PIK3C2G: variants seen among roughly 807,000 people sequenced by gnomAD.
PIK3C2G encodes phosphatidylinositol-4-phosphate 3-kinase catalytic subunit type 2 gamma.
PIK3C2G carries 168 observed loss-of-function variants against 181.1 expected under a neutral mutation model. The ratio of observed to expected loss-of-function variants is 0.93; its 90% CI spans 0.82 to 1.05. The LOEUF (loss-of-function observed/expected upper bound fraction) is 1.05. Among genes scored for constraint, PIK3C2G ranks in the 50% least tolerant of loss-of-function variants. PIK3C2G has a pLI of 0.00. For synonymous variants in PIK3C2G, 573 were observed against 592.2 expected (o/e 0.97, Z 0.47); for missense variants, 1,869 against 1,732.8 (o/e 1.08, Z -1.40).
intron 28 of PIK3C2G, among the ~76,000 whole-genome samples, chr12:18,564,102 G>T (rs1049018322): frequency 3.3e-5 from 5 of 151,114 alleles, no homozygotes; most frequent in Non-Finnish European, 5.9e-5. Flanking sequence ...TTGTTATTTT[G>T]TTCATTTTGA....
intron 22 of PIK3C2G, among the ~76,000 whole-genome samples, chr12:18,501,863 A>G (rs1234367482): frequency 6.6e-6 from 1 of 152,232 alleles, no homozygotes; most frequent in Non-Finnish European, 1.5e-5. Flanking sequence ...AGGTGGAATC[A>G]TCTAAGTCCT....
At chr12:18,708,577 A>G in the PIK3C2G span, among the ~76,000 whole-genome samples, 8 of 151,302 alleles carry the variant, frequency 5.3e-5, no homozygotes, top group Non-Finnish European at 1.2e-4. Flanking sequence ...TTCTTTAGAA[A>G]CCTCCATGCT....
chr12:18,296,375 C>G (rs192040228), intron 5 of PIK3C2G, among the ~76,000 whole-genome samples: 33 of 152,236 alleles, frequency 2.2e-4, no homozygotes, highest in African/African-American at 7.2e-4. Flanking sequence ...CTGTCCATTT[C>G]TAACAAGCAT....
chr12:18,553,288 A>G (rs1944829923), intron 26 of PIK3C2G, among the ~76,000 whole-genome samples: 1 of 152,042 alleles, frequency 6.6e-6, no homozygotes, highest in Admixed American at 6.6e-5. Context: ...ACTTCCTTTT[A>G]ATATCATTAA....
At chr12:18,479,332 G>A (rs551611117) in intron 18 of PIK3C2G, among the ~76,000 whole-genome samples, 1 of 152,126 alleles carries the variant, frequency 6.6e-6, no homozygotes, top group South Asian at 2.1e-4. Context: ...CCCTCAGCTG[G>A]TATCCATGTT....
At chr12:18,389,897 A>G (rs1943431096) in intron 14 of PIK3C2G, among the ~76,000 whole-genome samples, 1 of 152,202 alleles carries the variant, frequency 6.6e-6, no homozygotes, top group Non-Finnish European at 1.5e-5. Flanking sequence ...CCATTTACTT[A>G]GTATCAACAT....
intron 18 of PIK3C2G, among the ~76,000 whole-genome samples, chr12:18,457,218 A>C (rs1168875782): frequency 6.6e-6 from 1 of 152,226 alleles, no homozygotes; most frequent in Non-Finnish European, 1.5e-5. Context: ...TACTGAATAC[A>C]TATAAATATA....
At chr12:18,675,042 C>T in the PIK3C2G span, among the ~76,000 whole-genome samples, 2 of 152,128 alleles carry the variant, frequency 1.3e-5, no homozygotes, top group Non-Finnish European at 2.9e-5. Context: ...CTGTAACTAC[C>T]TTATTCAATA....
chr12:18,423,031 T>C (rs904591437), intron 17 of PIK3C2G, among the ~76,000 whole-genome samples: 1 of 151,932 alleles, frequency 6.6e-6, no homozygotes, highest in Non-Finnish European at 1.5e-5. Context: ...GGCTAGCATA[T>C]TGAGGTGTTT....
intron 8 of PIK3C2G, among the ~76,000 whole-genome samples, chr12:18,334,781 C>A (rs952889418): frequency 1.8e-4 from 27 of 152,036 alleles, no homozygotes; most frequent in African/African-American, 5.6e-4. Context: ...TCTCACCTTG[C>A]GAATCAGCCA....
At chr12:18,621,175 A>G (rs1254971654) in intron 31 of PIK3C2G, among the ~76,000 whole-genome samples, 1 of 151,902 alleles carries the variant, frequency 6.6e-6, no homozygotes, top group African/African-American at 2.4e-5. Flanking sequence ...GAAGTTTGGA[A>G]TCATTTAAGG....
intron 11 of PIK3C2G, among the ~76,000 whole-genome samples, chr12:18,361,430 G>A (rs2137795051): frequency 6.6e-6 from 1 of 151,908 alleles, no homozygotes; most frequent in East Asian, 1.9e-4. Context: ...GCTAGGTCAT[G>A]ATCCCCTCTT....
intron 11 of PIK3C2G, among the ~76,000 whole-genome samples, chr12:18,357,285 G>A (rs974612117): frequency 1.3e-5 from 2 of 151,728 alleles, no homozygotes; most frequent in Admixed American, 1.3e-4. Context: ...TTATAGTTTT[G>A]TCAGGAGGTG....
chr12:18,684,894 G>A, the PIK3C2G span, among the ~76,000 whole-genome samples: 1 of 151,860 alleles, frequency 6.6e-6, no homozygotes, highest in South Asian at 2.1e-4. Context: ...AGATCTGATG[G>A]TTTTATAAGG....
At position 18,311,247 on chromosome 12, in the gene PIK3C2G, T is replaced by TA. The variant is rs566491491; in HGVS notation, c.1035-2713dup. On this transcript the variant is annotated intron_variant, in intron 5 of 32. Coordinates refer to ENST00000538779, the MANE Select transcript of PIK3C2G (RefSeq NM_001288772.2). The stretch of plus-strand genomic sequence containing the variant: ...GAGGACATACACAATGAAGCAAAGG[T>TA]AAGGAAAGAACTAAGACCTAGTTTT... Among the ~76,000 whole-genome samples, 26 of 151,584 alleles carry TA rather than the reference T, an allele frequency of 1.7e-4. No individual in the cohort carries two copies. In the South Asian group the frequency reaches 5.0e-3, roughly 29 times the overall value.
At chr12:18,572,491 TATATAA>T (rs1195726276) in intron 29 of PIK3C2G, among the ~76,000 whole-genome samples, 1 of 151,076 alleles carries the variant, frequency 6.6e-6, no homozygotes, top group African/African-American at 2.4e-5. Flanking sequence ...TCTGCTGATA[TATATAA>T]ATATAATCTG....
chr12:18,696,865 T>G, the PIK3C2G span, among the ~76,000 whole-genome samples: 1 of 152,124 alleles, frequency 6.6e-6, no homozygotes, highest in Non-Finnish European at 1.5e-5. Context: ...TGAAAAACTT[T>G]CAATGCTTTT....
At chr12:18,594,742 AAAAAT>A (rs1289026773) in intron 30 of PIK3C2G, among the ~76,000 whole-genome samples, 173 bp downstream of exon 30, 1 of 152,026 alleles carries the variant, frequency 6.6e-6, no homozygotes, top group Non-Finnish European at 1.5e-5. Flanking sequence ...CAGATTTTGA[AAAAAT>A]AAAACATGAG....
chr12:18,323,845 T>A (rs949588138), intron 7 of PIK3C2G, among the ~76,000 whole-genome samples: 1 of 152,070 alleles, frequency 6.6e-6, no homozygotes, highest in African/African-American at 2.4e-5. Context: ...GTTTTTTCTA[T>A]AAAATAGATA....
Sources: allele counts gnomAD v4.1 joint callset (sites outside exome capture counted in the v4.1 genomes callset), GRCh38; gene constraint gnomAD v4.1.1; transcripts MANE v1.5; gene names NCBI Gene and HGNC (gene_info 2026-07-23, HGNC 2026-07-21).